Variants in SSH1 observed in about 807,000 individuals in gnomAD.
The protein encoded by SSH1 is protein phosphatase Slingshot homolog 1.
A neutral mutation model predicts 79.7 loss-of-function variants in SSH1; 43 were observed. That is an observed-to-expected ratio of 0.54 (90% CI 0.42 to 0.70). The LOEUF is 0.70. Ranked by LOEUF, SSH1 falls within the 30% of genes least tolerant of loss-of-function variation. The probability of loss-of-function intolerance (pLI) is 0.00; values close to 1 mark genes in which losing one functional copy is unlikely to be tolerated. For synonymous variants in SSH1, 599 were observed against 538.3 expected, an observed-to-expected ratio of 1.11 and a Z score of -1.56; for missense variants, 1,206 against 1,358.8, an observed-to-expected ratio of 0.89 and a Z score of 1.77.
At chr12:108,800,423 A>G (rs1262202585) in intron 12 of SSH1, among the ~76,000 whole-genome samples, 1 of 152,058 alleles carries the variant, frequency 6.6e-6, no homozygotes, top group East Asian at 1.9e-4. Flanking sequence ...GTGACTTCCT[A>G]GGGGTGGGGC....
chr12:108,790,000 G>C (rs2036435560), intron 14 of SSH1, among the ~76,000 whole-genome samples: 1 of 151,904 alleles, frequency 6.6e-6, no homozygotes, highest in African/African-American at 2.4e-5. Context: ...CGCCAGCTCT[G>C]TCTCTCAACA....
rs549252066 is a variant in SSH1 at position 108,789,990 on chromosome 12, C to A, written c.1894-746G>T. 1.6e-4 allele frequency among the ~76,000 whole-genome samples: 25 copies of A among 152,016 alleles called. No homozygotes were observed. In the South Asian group the frequency reaches 5.2e-3, roughly 32 times the overall value. ...ATTACAGGTGTGAGCGACTACACCCCGCCAGCTCTGTCTCTCAACACCTCC... is the reference window on the plus strand; with the variant it reads ...ATTACAGGTGTGAGCGACTACACCCAGCCAGCTCTGTCTCTCAACACCTCC... On this transcript the variant is annotated intron_variant, in intron 14 of 14. Transcript: ENST00000326495.
At chr12:108,845,524 C>A (rs1016534348) in intron 2 of SSH1, among the ~76,000 whole-genome samples, 1 of 152,110 alleles carries the variant, frequency 6.6e-6, no homozygotes, top group African/African-American at 2.4e-5. Flanking sequence ...CCTGTCTCTA[C>A]TAAAAATACA....
intron 1 of SSH1, among the ~76,000 whole-genome samples, chr12:108,856,686 A>C (rs1355693138): frequency 1.3e-5 from 2 of 152,060 alleles, no homozygotes; most frequent in Non-Finnish European, 2.9e-5. Flanking sequence ...ACAATCTCAC[A>C]CGTTTGTAGG....
Position 108,807,418 on chromosome 12 carries a change from AT to A in SSH1, c.731+214del, listed in dbSNP as rs35206418. Reference sequence around the variant, plus strand: ...AATGCATTCACCAAATTCATCAGTAATTTTTTTTTTTTTTTTCTTTTTTTTG... The same window carrying A: ...AATGCATTCACCAAATTCATCAGTAATTTTTTTTTTTTTTTCTTTTTTTTG... On this transcript the variant is annotated intron_variant, in intron 8 of 14. Coordinates refer to ENST00000326495, the MANE Select transcript of SSH1 (RefSeq NM_018984.4). This position sits in a 1 kb window ranked among gnomAD's most constrained non-coding sequence, Gnocchi z 5.2. Among the ~76,000 whole-genome samples the A allele has an allele frequency of 0.63, 90,060 of 143,330 alleles. 28,063 individuals are homozygous for A. Among genetic ancestry groups the A allele is most frequent in the Admixed American group, 0.67 (9,680 of 14,442 alleles). The allele number at this position is 143,330 out of a possible 152,430, so 94.0% of individuals were successfully genotyped here. A position where few individuals can be genotyped will look rare whatever the true frequency, so the allele number is the denominator to read the frequency against.
Position 108,807,806 on chromosome 12 carries a change from G to A in SSH1, c.558C>T (p.His186=), listed in dbSNP as rs1423141699. The change falls in exon 8 of 15, where the codon CAC becomes CAT. Residue 186 remains histidine, a synonymous_variant. Transcript: ENST00000326495. The surrounding 1 kb of genome is among the most constrained non-coding windows in gnomAD (Gnocchi z 5.2). The stretch of plus-strand genomic sequence containing the variant: ...GCCTCCGGGCCACTTCGCAGGCCTT[G>A]TGAAGCACCTGCAGGGCAGACCTGG... The part of the protein sequence containing the change: ...QAMWSALQVL[H]KACEVARRHN... 3 of 1,613,874 alleles carry A rather than the reference G, an allele frequency of 1.9e-6. No homozygotes were observed. In the Admixed American group the frequency reaches 5.0e-5, roughly 27 times the overall value.
Position 108,778,982 on chromosome 12 carries a change from T to C in SSH1, c.*9006A>G, listed in dbSNP as rs1435492911. 6.6e-6 allele frequency: 1 copy of C among 152,102 alleles called. No individual in the cohort carries two copies. The highest frequency in any genetic ancestry group is 1.5e-5 in the Non-Finnish European group (1 of 68,044). The allele number at this position is 152,102 out of a possible 1,614,324, so 9.4% of individuals were successfully genotyped here. On this transcript the variant is annotated 3_prime_UTR_variant, in exon 15 of 15. Transcript: ENST00000326495. ...CCATGCCTGGCTAATTTTTGTATTA[T>C]TGGTAGAGATGGGGGTTCACCATGT...
rs375415747 is a variant in SSH1 at position 108,828,248 on chromosome 12, T to G, written c.111-4887A>C. Among the ~76,000 whole-genome samples the G allele has an allele frequency of 1.3e-3, 195 of 152,286 alleles. 1 individual carries two copies. Among genetic ancestry groups the G allele is most frequent in the African/African-American group, 4.5e-3 (185 of 41,558 alleles). ...GGCTTCTCTTCCCTCGGCTCACAAG[T>G]GACCAAGCGATCCTCCCTACGGATT... On this transcript the variant is annotated intron_variant, in intron 2 of 14. Transcript: ENST00000326495.
rs2037595615 is a variant in SSH1 at position 108,811,505 on chromosome 12, G to A, written c.402-177C>T. 4.4e-6 allele frequency: 3 copies of A among 675,318 alleles called. No individual in the cohort carries two copies. In the East Asian group the frequency reaches 8.3e-5, roughly 19 times the overall value. The allele number at this position is 675,318 out of a possible 1,614,324, so 41.8% of individuals were successfully genotyped here. On this transcript the variant is annotated intron_variant, in intron 5 of 14. Coordinates refer to ENST00000326495, the MANE Select transcript of SSH1 (RefSeq NM_018984.4). ...AGACACAGGTCTGGGATGGCCCTGT[G>A]GACACAACTCCGTAAGTGCTCAGCT...
At position 108,792,703 on chromosome 12, in the gene SSH1, C is replaced by T; in HGVS notation, c.1476G>A (p.Leu492=). 1 of 1,613,324 alleles carries T rather than the reference C, an allele frequency of 6.2e-7. No homozygotes were observed. The highest frequency in any genetic ancestry group is 1.7e-5 in the Admixed American group (1 of 60,032). Residue 492 remains leucine, a synonymous_variant, in exon 14 of 15, where the codon CTG becomes CTA. Transcript: ENST00000326495. Reference sequence around the variant, plus strand: ...GCTGGGCGGCATCATCCAAGAAGGGCAGCTGGCTTTCCGGGGTGCCATCTG... The same window carrying T: ...GCTGGGCGGCATCATCCAAGAAGGGTAGCTGGCTTTCCGGGGTGCCATCTG... ...ETPDGTPESQ[L]PFLDDAAQPG...
chr12:108,818,501 C>G (rs992204642), intron 3 of SSH1, among the ~76,000 whole-genome samples, 188 bp from the exon 4 acceptor site: 11 of 152,158 alleles, frequency 7.2e-5, no homozygotes, highest in African/African-American at 2.4e-4. Flanking sequence ...GAATACTGTG[C>G]GACGTGGATG....
In SSH1 at chr12:108,787,923, C is replaced by T. The variant is rs757710475; in HGVS notation, c.*65G>A. ...AAGATGTAAGGGGTCGATCCAAATCCACAGTGAAAGTGAGGGAGGGATCAT... is the reference window on the plus strand; with the variant it reads ...AAGATGTAAGGGGTCGATCCAAATCTACAGTGAAAGTGAGGGAGGGATCAT... On this transcript the variant is annotated 3_prime_UTR_variant, in exon 15 of 15. Transcript: ENST00000326495. 32 of 1,595,262 alleles carry T rather than the reference C, an allele frequency of 2.0e-5. No individual in the cohort carries two copies. Among genetic ancestry groups the T allele is most frequent in the Non-Finnish European group, 2.7e-5 (31 of 1,164,278 alleles).
intron 13 of SSH1, among the ~76,000 whole-genome samples, chr12:108,794,294 G>A (rs1483009084): frequency 6.6e-6 from 1 of 152,204 alleles, no homozygotes; most frequent in East Asian, 1.9e-4. Flanking sequence ...CTGGGGTACT[G>A]GAACTACGGT....
chr12:108,809,277 C>A (rs2037450304), intron 7 of SSH1, among the ~76,000 whole-genome samples: 1 of 151,624 alleles, frequency 6.6e-6, no homozygotes, highest in Admixed American at 6.6e-5. Flanking sequence ...CATAGTGAGA[C>A]CCCATCTCTA....
rs1196045873 is a variant in SSH1, at chr12:108,818,261, G to A, written c.267C>T (p.Asp89=). The change falls in exon 4 of 15, where the codon GAC becomes GAT. Residue 89 remains aspartate (D), a synonymous_variant. Transcript: ENST00000326495. Reference sequence around the variant, plus strand: ...CACTGCTTCTTACCAGCTTGATTCTGTCTTCGCAACGCAGAAGGTTGATCA... The same window carrying A: ...CACTGCTTCTTACCAGCTTGATTCTATCTTCGCAACGCAGAAGGTTGATCA... ...QVMINLLRCE[D]RIKLAVRLES... 1 of 1,613,674 alleles carries A rather than the reference G, an allele frequency of 6.2e-7. No individual in the cohort carries two copies. The highest frequency in any genetic ancestry group is 8.5e-7 in the Non-Finnish European group (1 of 1,179,950).
chr12:108,806,263 T>G (rs752218864), intron 9 of SSH1, 38 bp downstream of exon 9: 10 of 1,570,246 alleles, frequency 6.4e-6, no homozygotes, highest in Non-Finnish European at 2.6e-6. Context: ...GGAGGCTGCA[T>G]GACCTCTGAC....
Position 108,788,479 on chromosome 12 carries a change from G to A in SSH1, c.2659C>T (p.Pro887Ser), listed in dbSNP as rs777018141. ...AGSDEKSEAA[P>S]ASLEGGSLKS... ...AGTGAGCCTCCTTCCAATGAAGCGG[G>A]GGCGGCCTCTGACTTCTCATCACTC... The change falls in exon 15 of 15, where the codon CCC becomes TCC. Residue 887 changes from proline (P) to serine (S), a missense_variant. Pro to Ser is a moderately conservative substitution (Grantham distance 74). Around this residue, in one of 5 missense-constraint regions of SSH1, gnomAD observed 709 missense variants for 730.6 expected, o/e 0.97. Coordinates refer to ENST00000326495, the MANE Select transcript of SSH1 (RefSeq NM_018984.4). 5.7e-5 allele frequency: 88 copies of A among 1,556,842 alleles called. No individual in the cohort carries two copies. The highest frequency in any genetic ancestry group is 1.9e-5 in the Non-Finnish European group (22 of 1,154,176).
At chr12:108,845,973 T>G (rs1475789785) in intron 2 of SSH1, among the ~76,000 whole-genome samples, 5 of 152,144 alleles carry the variant, frequency 3.3e-5, no homozygotes, top group African/African-American at 1.2e-4. Context: ...GGAAGCATGG[T>G]CTGCAGGGCA....
At chr12:108,819,392 A>G (rs1412710725) in intron 3 of SSH1, among the ~76,000 whole-genome samples, 8 of 152,244 alleles carry the variant, frequency 5.3e-5, no homozygotes, top group African/African-American at 1.9e-4. Context: ...AGAAGCGCAC[A>G]CTTTCACGGA....
Sources: allele counts gnomAD v4.1 joint callset (sites outside exome capture counted in the v4.1 genomes callset), GRCh38; gene constraint gnomAD v4.1.1; regional missense constraint gnomAD v4.1.1; non-coding constraint Gnocchi (gnomAD v3.1); transcripts MANE v1.5; gene names NCBI Gene and HGNC (gene_info 2026-07-23, HGNC 2026-07-21).